PJA2: variants seen among roughly 807,000 people sequenced by gnomAD.
PJA2 encodes E3 ubiquitin-protein ligase Praja-2.
In PJA2, 25 loss-of-function variants were observed where a neutral mutation model predicts 69.3. That is an observed-to-expected ratio of 0.36 (90% CI 0.26 to 0.50). PJA2 has a LOEUF of 0.50. Ranked by LOEUF, PJA2 falls within the 20% of genes least tolerant of loss-of-function variation. PJA2 has a pLI of 0.96. For missense variants in PJA2, 809 were observed against 830.2 expected (o/e 0.97, Z 0.31); for synonymous variants, 308 against 277.8 (o/e 1.11, Z -1.08).
At chr5:109,367,589 A>C (rs1762606792) in intron 5 of PJA2, among the ~76,000 whole-genome samples, 1 of 152,210 alleles carries the variant, frequency 6.6e-6, no homozygotes, top group Non-Finnish European at 1.5e-5. Flanking sequence ...CAAAAAAAGA[A>C]AAAGAATACA....
intron 2 of PJA2, among the ~76,000 whole-genome samples, chr5:109,382,281 G>C (rs1361821180): frequency 6.6e-6 from 1 of 152,054 alleles, no homozygotes; most frequent in Non-Finnish European, 1.5e-5. Flanking sequence ...ACAGCAATGA[G>C]CCAGGTCAAA....
At chr5:109,396,116 G>A (rs962428519) in intron 1 of PJA2, among the ~76,000 whole-genome samples, 6 of 151,880 alleles carry the variant, frequency 4.0e-5, no homozygotes, top group South Asian at 2.1e-4. Flanking sequence ...ATATTAGCAA[G>A]CCATTACAGC....
At chr5:109,369,115 C>G (rs1188386725) in intron 4 of PJA2, among the ~76,000 whole-genome samples, 1 of 152,170 alleles carries the variant, frequency 6.6e-6, no homozygotes, top group Non-Finnish European at 1.5e-5. Context: ...CCCCAAGAAG[C>G]AGAAGCCACT....
rs557998618 is a variant in PJA2, at chr5:109,338,709, C to T, written c.2002-1353G>A. ...TGTGTACTTGCCATACAGATTGGGC[C>T]CCAACAATAACATTTTAGAGTCAAA... On this transcript the variant is annotated intron_variant, in intron 9 of 9. Transcript: ENST00000361189. Among the ~76,000 whole-genome samples, 4 of 151,832 alleles carry T rather than the reference C, an allele frequency of 2.6e-5. No homozygotes were observed. In the South Asian group the frequency reaches 8.3e-4, roughly 32 times the overall value.
chr5:109,338,626 A>C (rs1329751582), intron 9 of PJA2, among the ~76,000 whole-genome samples: 1 of 143,492 alleles, frequency 7.0e-6, no homozygotes, highest in Non-Finnish European at 1.5e-5. Flanking sequence ...AACAGAGTGA[A>C]ACTCCGTCTC....
intron 7 of PJA2, among the ~76,000 whole-genome samples, chr5:109,355,517 G>A (rs1223847260): frequency 6.6e-6 from 1 of 152,126 alleles, no homozygotes; most frequent in African/African-American, 2.4e-5. Flanking sequence ...ACTGCATTAG[G>A]CAGCCAGATA....
chr5:109,359,467 T>C (rs1239097782), intron 6 of PJA2, among the ~76,000 whole-genome samples: 3 of 152,200 alleles, frequency 2.0e-5, no homozygotes, highest in African/African-American at 4.8e-5. Flanking sequence ...AATCAAATTT[T>C]ATATCACCAG....
At chr5:109,344,012 G>A (rs1248031006) in intron 9 of PJA2, among the ~76,000 whole-genome samples, 178 bp downstream of exon 9, 1 of 149,456 alleles carries the variant, frequency 6.7e-6, no homozygotes, top group African/African-American at 2.5e-5. Context: ...CAGGAGAATC[G>A]CTTGAACCCT....
intron 5 of PJA2, among the ~76,000 whole-genome samples, chr5:109,365,252 GACTTA>G (rs1394531805): frequency 1.3e-5 from 2 of 152,156 alleles, no homozygotes; most frequent in African/African-American, 4.8e-5. Context: ...AGTAAGTTCT[GACTTA>G]ACTTTATACG....
intron 1 of PJA2, among the ~76,000 whole-genome samples, chr5:109,395,777 T>A (rs1308704217): frequency 6.6e-6 from 1 of 151,896 alleles, no homozygotes; most frequent in Non-Finnish European, 1.5e-5. Context: ...GGCCAGCAGA[T>A]CACATGAGGT....
At chr5:109,374,357 G>C (rs1746780821) in intron 4 of PJA2, among the ~76,000 whole-genome samples, 1 of 152,198 alleles carries the variant, frequency 6.6e-6, no homozygotes, top group Admixed American at 6.5e-5. Flanking sequence ...TAAGATCTGT[G>C]CCTTGGCTGC....
intron 4 of PJA2, among the ~76,000 whole-genome samples, chr5:109,369,892 C>T (rs1162078320): frequency 1.3e-5 from 2 of 151,964 alleles, no homozygotes; most frequent in African/African-American, 2.4e-5. Context: ...ATTAGCTGGG[C>T]GTGGCGCTGC....
intron 9 of PJA2, 46 bp downstream of exon 9, chr5:109,344,142 AAG>A: frequency 8.3e-7 from 1 of 1,200,538 alleles, no homozygotes; most frequent in Non-Finnish European, 1.1e-6. Flanking sequence ...TCACTTGCAG[AAG>A]ACACTATTAA....
intron 6 of PJA2, among the ~76,000 whole-genome samples, chr5:109,361,253 TA>T (rs1762499196): frequency 6.6e-6 from 1 of 152,166 alleles, no homozygotes; most frequent in East Asian, 1.9e-4. Flanking sequence ...CATATCTCAG[TA>T]ATGTCCCCTC....
At chr5:109,380,804 CAAAAAAAAAA>C (rs34675958) in intron 3 of PJA2, among the ~76,000 whole-genome samples, 2 of 88,732 alleles carry the variant, frequency 2.3e-5, no homozygotes, top group African/African-American at 9.7e-5. Flanking sequence ...GATTCCATCT[CAAAAAAAAAA>C]AAAAAAAAAG....
At position 109,379,055 on chromosome 5, in the gene PJA2, T is replaced by C. The variant is rs1746971831; in HGVS notation, c.432A>G (p.Gly144=). ...CACTACAAGCTCCTGGAATATACTC[T>C]CCCTCAGAGTGATTATGAAGATTTG... is the stretch of plus-strand genomic sequence containing the variant. ...SSTNLHNHSE[G]EYIPGACSAS... is the part of the protein sequence containing the mutation. Residue 144 remains glycine, a synonymous_variant, in exon 4 of 10, where the codon GGA becomes GGG. Transcript: ENST00000361189. 6.2e-7 allele frequency: 1 copy of C among 1,613,960 alleles called. No individual in the cohort carries two copies. The highest frequency in any genetic ancestry group is 1.3e-5 in the African/African-American group (1 of 74,918).
Position 109,337,322 on chromosome 5 carries a change from G to A in PJA2, c.2036C>T (p.Pro679Leu). 1 of 1,613,102 alleles carries A rather than the reference G, an allele frequency of 6.2e-7. No individual in the cohort carries two copies. The highest frequency in any genetic ancestry group is 8.5e-7 in the Non-Finnish European group (1 of 1,179,678). ...GTCPVCRRHF[P>L]PAVIEASAAP... ...TGCAGATGCTTCAATAACCGCAGGT[G>A]GGAAATGACGGCGGCACACAGGGCA... Residue 679 changes from proline to leucine, a missense_variant, in exon 10 of 10, where the codon CCA becomes CTA. Pro to Leu is a moderately conservative substitution (Grantham distance 98). This residue lies in a region of PJA2 where 35 missense variants were observed against 37.0 expected (regional missense o/e 0.94). Coordinates refer to ENST00000361189, the MANE Select transcript of PJA2 (RefSeq NM_014819.5).
chr5:109,402,296 AG>A (rs1450062518), intron 1 of PJA2, among the ~76,000 whole-genome samples: 1 of 152,218 alleles, frequency 6.6e-6, no homozygotes, highest in Non-Finnish European at 1.5e-5. Flanking sequence ...GAATTAAAAA[AG>A]GCTGTCTAGA....
At chr5:109,392,068 AT>A (rs908841908) in intron 1 of PJA2, among the ~76,000 whole-genome samples, 6 of 152,144 alleles carry the variant, frequency 3.9e-5, no homozygotes, top group African/African-American at 9.7e-5. Context: ...CCCAGCAGGC[AT>A]TTTTTTGGGG....
Sources: gnomAD v4.1 joint callset for allele counts (sites outside exome capture counted in the v4.1 genomes callset) on GRCh38, gnomAD v4.1.1 for gene constraint, gnomAD v4.1.1 regional missense constraint, MANE v1.5 for transcripts, NCBI Gene and HGNC (gene_info 2026-07-23, HGNC 2026-07-21) for gene names.